The following NOX4 variants were observed in gnomAD, a reference collection of about 807,000 sequenced individuals.
The protein encoded by NOX4 is NADPH oxidase 4, also known as kidney oxidase-1.
In NOX4, 69 loss-of-function variants were observed where a neutral mutation model predicts 87.6. That is an observed-to-expected ratio of 0.79 (90% CI 0.65 to 0.96). The LOEUF is 0.96. Ranked by LOEUF, NOX4 falls within the 40% of genes least tolerant of loss-of-function variation. The probability of loss-of-function intolerance (pLI) is 0.00; values close to 1 mark genes in which losing one functional copy is unlikely to be tolerated. For synonymous variants in NOX4, 275 were observed against 238.2 expected (o/e 1.15, Z -1.42); for missense variants, 680 against 681.5 (o/e 1.00, Z 0.02).
intron 4 of NOX4, among the ~76,000 whole-genome samples, chr11:89,448,709 C>A (rs748784917): frequency 6.6e-6 from 1 of 151,842 alleles, no homozygotes; most frequent in Admixed American, 6.6e-5. Flanking sequence ...TGGTGAAAGC[C>A]CGTCTCTACA....
the NOX4 span, among the ~76,000 whole-genome samples, chr11:89,572,620 G>A: frequency 6.6e-6 from 1 of 152,074 alleles, no homozygotes; most frequent in Non-Finnish European, 1.5e-5. Flanking sequence ...CACAATCTAG[G>A]CTCACTGCAA....
intron 3 of NOX4, among the ~76,000 whole-genome samples, chr11:89,450,417 A>G (rs1012679596): frequency 6.6e-6 from 1 of 152,168 alleles, no homozygotes; most frequent in Non-Finnish European, 1.5e-5. Context: ...AGTGAATCTT[A>G]GGGAAGAAGA....
chr11:89,586,381 G>A, the NOX4 span, among the ~76,000 whole-genome samples: 1 of 152,206 alleles, frequency 6.6e-6, no homozygotes, highest in Non-Finnish European at 1.5e-5. Flanking sequence ...AACTCTGTGA[G>A]GTAGGTACCA....
chr11:89,333,543 A>G (rs1268523239), intron 17 of NOX4, among the ~76,000 whole-genome samples: 4 of 151,794 alleles, frequency 2.6e-5, no homozygotes, highest in Admixed American at 6.6e-5. Flanking sequence ...TATTCTACAT[A>G]GTATACTAAC....
At chr11:89,385,560 T>A (rs577156672) in intron 11 of NOX4, among the ~76,000 whole-genome samples, 1 of 152,312 alleles carries the variant, frequency 6.6e-6, no homozygotes, top group Admixed American at 6.5e-5. Flanking sequence ...ATAACGTCTT[T>A]CATGTAGGTT....
chr11:89,432,457 G>A (rs1272643176), intron 7 of NOX4, among the ~76,000 whole-genome samples: 1 of 151,390 alleles, frequency 6.6e-6, no homozygotes, highest in Non-Finnish European at 1.5e-5. Context: ...AATTTCTAAG[G>A]TCCCCATATG....
chr11:89,337,568 G>A, intron 15 of NOX4, 53 bp from the exon 16 acceptor site: 2 of 1,596,738 alleles, frequency 1.3e-6, no homozygotes, highest in Admixed American at 1.7e-5. Context: ...GGTATACTCA[G>A]ATTTTCTCCT....
chr11:89,438,813 A>T (rs1591254089), intron 6 of NOX4, among the ~76,000 whole-genome samples: 1 of 23,942 alleles, frequency 4.2e-5, no homozygotes, highest in African/African-American at 6.4e-4. Context: ...TATATATTAT[A>T]TATATTATAT....
chr11:89,501,144 G>A (rs1947012711), upstream of NOX4, among the ~76,000 whole-genome samples: 1 of 151,946 alleles, frequency 6.6e-6, no homozygotes, highest in Non-Finnish European at 1.5e-5. Context: ...TCAGCAAAAT[G>A]TTACAAGAGA....
upstream of NOX4, among the ~76,000 whole-genome samples, chr11:89,502,273 C>G (rs1185465959): frequency 6.6e-6 from 1 of 152,044 alleles, no homozygotes; most frequent in African/African-American, 2.4e-5. Flanking sequence ...TATCGGAACA[C>G]AGAACTGCTC....
At chr11:89,588,334 C>T in the NOX4 span, among the ~76,000 whole-genome samples, 1 of 151,908 alleles carries the variant, frequency 6.6e-6, no homozygotes, top group Non-Finnish European at 1.5e-5. Context: ...TTTTTTTAAC[C>T]AGGCTTTCAA....
At chr11:89,534,300 A>T in the NOX4 span, among the ~76,000 whole-genome samples, 1 of 152,256 alleles carries the variant, frequency 6.6e-6, no homozygotes, top group Admixed American at 6.5e-5. Flanking sequence ...TGTCAGAAAC[A>T]AGAGATTTAT....
At chr11:89,524,070 T>G in the NOX4 span, among the ~76,000 whole-genome samples, 1 of 152,316 alleles carries the variant, frequency 6.6e-6, no homozygotes, top group East Asian at 1.9e-4. Context: ...ATTTGTTAGC[T>G]GTGGTGGTTT....
intron 11 of NOX4, among the ~76,000 whole-genome samples, chr11:89,398,180 GTAATCCATCACA>G (rs1941612732): frequency 1.3e-5 from 2 of 151,330 alleles, no homozygotes; most frequent in Non-Finnish European, 2.9e-5. Context: ...ATCAACAAAT[GTAATCCATCACA>G]TAAACAGAAC....
At chr11:89,375,045 A>G (rs1212213769) in intron 11 of NOX4, among the ~76,000 whole-genome samples, 1 of 152,130 alleles carries the variant, frequency 6.6e-6, no homozygotes, top group Non-Finnish European at 1.5e-5. Flanking sequence ...AAAGGTAGGT[A>G]TTTGTCATTG....
At chr11:89,532,725 T>C in the NOX4 span, among the ~76,000 whole-genome samples, 31 of 152,296 alleles carry the variant, frequency 2.0e-4, no homozygotes, top group African/African-American at 7.2e-4. Context: ...TTTTGTTCTG[T>C]GTCCCTACCC....
At chr11:89,357,221 T>C (rs1938134748) in intron 12 of NOX4, among the ~76,000 whole-genome samples, 2 of 151,824 alleles carry the variant, frequency 1.3e-5, no homozygotes, top group Admixed American at 6.6e-5. Context: ...CTACTGTTTT[T>C]TTTTCTCTCA....
intron 11 of NOX4, among the ~76,000 whole-genome samples, chr11:89,382,505 G>A (rs1260857148): frequency 6.6e-6 from 1 of 152,020 alleles, no homozygotes; most frequent in Non-Finnish European, 1.5e-5. Context: ...CCTAGTCTCT[G>A]TTCCCAATGC....
intron 2 of NOX4, among the ~76,000 whole-genome samples, chr11:89,486,578 GTGTGTATA>G (rs1565349212): frequency 0.017 from 1,945 of 112,338 alleles, 131 homozygotes; most frequent in African/African-American, 0.083. Flanking sequence ...ACATATATAT[GTGTGTATA>G]TATGTGTATA....
Sources: allele counts gnomAD v4.1 joint callset (sites outside exome capture counted in the v4.1 genomes callset), GRCh38; gene constraint gnomAD v4.1.1; transcripts MANE v1.5; gene names NCBI Gene and HGNC (gene_info 2026-07-23, HGNC 2026-07-21).